The following PPP2R3A variants were observed in gnomAD, a reference collection of about 807,000 sequenced individuals.
The protein encoded by PPP2R3A is serine/threonine-protein phosphatase 2A regulatory subunit B'' subunit alpha.
Under a neutral mutation model 106.9 loss-of-function variants are expected in PPP2R3A, and 80 were observed. The ratio of observed to expected loss-of-function variants is 0.75; its 90% confidence interval spans 0.62 to 0.90. The LOEUF (loss-of-function observed/expected upper bound fraction) is 0.90, where lower values mean the gene tolerates loss of function less well. PPP2R3A is among the 40% of genes least tolerant of loss of function. The probability of loss-of-function intolerance (pLI) is 0.00; values close to 1 mark genes in which losing one functional copy is unlikely to be tolerated. For missense variants in PPP2R3A, 1,386 were observed against 1,350.4 expected (o/e 1.03, Z -0.41); for synonymous variants, 483 against 468.3 (o/e 1.03, Z -0.41).
intron 6 of PPP2R3A, among the ~76,000 whole-genome samples, chr3:136,074,232 T>G (rs547474537): frequency 2.8e-4 from 42 of 152,372 alleles, no homozygotes; most frequent in Non-Finnish European, 3.1e-4. Flanking sequence ...TAGAAAACTT[T>G]TATTTTCTAT....
intron 1 of PPP2R3A, among the ~76,000 whole-genome samples, chr3:135,981,112 G>T (rs895763906): frequency 1.1e-4 from 17 of 151,918 alleles, no homozygotes; most frequent in Middle Eastern, 3.2e-3. Context: ...TTTAAGTTTG[G>T]TGATCATGGT....
chr3:136,132,509 GAAT>G (rs1938465107), intron 13 of PPP2R3A, among the ~76,000 whole-genome samples: 2 of 151,254 alleles, frequency 1.3e-5, no homozygotes, highest in African/African-American at 2.4e-5. Context: ...GAAATAAAAA[GAAT>G]AATTCTATTC....
Position 136,001,563 on chromosome 3 carries a change from G to A in PPP2R3A, c.65G>A (p.Arg22Gln), listed in dbSNP as rs762527447. ...CACTACAGCAGCGTGGTGATAGACC[G>A]GCGTTTTGAACAAGCTATACATTAT... is the stretch of plus-strand genomic sequence containing the variant. ...VNHYSSVVID[R>Q]RFEQAIHYCT... Residue 22 changes from arginine to glutamine, a missense_variant, in exon 2 of 14, where the codon CGG becomes CAG. Coordinates refer to ENST00000264977, the MANE Select transcript of PPP2R3A (RefSeq NM_002718.5). 22 of 1,614,030 alleles carry A rather than the reference G, an allele frequency of 1.4e-5. No homozygotes were observed. The highest frequency in any genetic ancestry group is 5.3e-5 in the African/African-American group (4 of 74,906).
chr3:135,975,262 C>A (rs1937384990), intron 1 of PPP2R3A, among the ~76,000 whole-genome samples: 1 of 151,960 alleles, frequency 6.6e-6, no homozygotes, highest in Non-Finnish European at 1.5e-5. Context: ...TGAGAAATGC[C>A]CCAGGCCTTA....
intron 3 of PPP2R3A, among the ~76,000 whole-genome samples, chr3:136,028,624 A>G (rs2107825668): frequency 6.6e-6 from 1 of 152,332 alleles, no homozygotes; most frequent in South Asian, 2.1e-4. Context: ...CAAATATATT[A>G]CAAGTTCTTT....
At chr3:136,109,425 GACA>G (rs1255507531) in intron 13 of PPP2R3A, among the ~76,000 whole-genome samples, 2 of 152,080 alleles carry the variant, frequency 1.3e-5, no homozygotes, top group African/African-American at 2.4e-5. Flanking sequence ...ATTATTGAAT[GACA>G]ACAACAAAGG....
intron 1 of PPP2R3A, among the ~76,000 whole-genome samples, chr3:135,997,741 C>G (rs1933457522): frequency 6.6e-6 from 1 of 152,198 alleles, no homozygotes; most frequent in Non-Finnish European, 1.5e-5. Flanking sequence ...ATCCAAGATT[C>G]CTCCCTGTCA....
At chr3:136,112,537 A>C (rs1937608559) in intron 13 of PPP2R3A, among the ~76,000 whole-genome samples, 1 of 152,200 alleles carries the variant, frequency 6.6e-6, no homozygotes. Flanking sequence ...TCCCATTTGC[A>C]ATAGCCACAA....
chr3:136,091,126 A>G (rs904771421), intron 10 of PPP2R3A, among the ~76,000 whole-genome samples: 5 of 152,146 alleles, frequency 3.3e-5, no homozygotes, highest in African/African-American at 1.2e-4. Context: ...TGGAGTTATT[A>G]ATTTACACAT....
At chr3:135,984,761 G>A (rs1937583375) in intron 1 of PPP2R3A, among the ~76,000 whole-genome samples, 2 of 152,096 alleles carry the variant, frequency 1.3e-5, no homozygotes, top group African/African-American at 4.8e-5. Flanking sequence ...CCATTTTCAC[G>A]CTGCTGATAA....
intron 5 of PPP2R3A, among the ~76,000 whole-genome samples, chr3:136,058,014 A>G (rs1935934898): frequency 6.6e-6 from 1 of 152,224 alleles, no homozygotes; most frequent in Admixed American, 6.5e-5. Flanking sequence ...TCATTGCAGC[A>G]TTATTCACAA....
At chr3:136,093,757 A>C (rs1937152441) in intron 10 of PPP2R3A, among the ~76,000 whole-genome samples, 1 of 152,252 alleles carries the variant, frequency 6.6e-6, no homozygotes, top group Admixed American at 6.5e-5. Context: ...AGGTGCTGCC[A>C]AGCAGGTGGA....
rs1939097029 is a variant in PPP2R3A, at chr3:136,145,839, C to G, written c.*673C>G. The G allele has an allele frequency of 6.6e-6, 1 of 152,432 alleles. No individual in the cohort carries two copies. The highest frequency in any genetic ancestry group is 1.5e-5 in the Non-Finnish European group (1 of 68,008). The allele number at this position is 152,432 out of a possible 1,614,324, so 9.4% of individuals were successfully genotyped here. On this transcript the variant is annotated 3_prime_UTR_variant, in exon 14 of 14. Coordinates refer to ENST00000264977, the MANE Select transcript of PPP2R3A (RefSeq NM_002718.5). The stretch of plus-strand genomic sequence containing the variant: ...CCTGACTGTGGATCTTATATAAAAT[C>G]TCAAGATAAAAAAACACTTCTTAAA...
chr3:135,997,411 C>T (rs1212273287), intron 1 of PPP2R3A, among the ~76,000 whole-genome samples: 1 of 152,102 alleles, frequency 6.6e-6, no homozygotes, highest in African/African-American at 2.4e-5. Context: ...TAGACTCCCT[C>T]TAAGAATTCT....
intron 12 of PPP2R3A, 123 bp downstream of exon 12, chr3:136,103,499 T>TA (rs1162366563): frequency 2.8e-5 from 19 of 689,892 alleles, no homozygotes; most frequent in Non-Finnish European, 4.1e-5. Flanking sequence ...AACATTTCAT[T>TA]AAAGACTAAA....
At chr3:136,127,752 G>T (rs915768912) in intron 13 of PPP2R3A, among the ~76,000 whole-genome samples, 3 of 152,146 alleles carry the variant, frequency 2.0e-5, no homozygotes, top group Non-Finnish European at 4.4e-5. Flanking sequence ...AGTGCTAAGG[G>T]CAGCCAGAGA....
intron 13 of PPP2R3A, among the ~76,000 whole-genome samples, chr3:136,126,950 C>T (rs1028069071): frequency 6.6e-6 from 1 of 152,116 alleles, no homozygotes; most frequent in African/African-American, 2.4e-5. Context: ...AACTAACAAA[C>T]AGAAAGGAAT....
At chr3:136,099,847 A>G (rs1937312910) in intron 10 of PPP2R3A, among the ~76,000 whole-genome samples, 1 of 151,832 alleles carries the variant, frequency 6.6e-6, no homozygotes, top group African/African-American at 2.4e-5. Flanking sequence ...CACATTTCAG[A>G]TGCTCAAAAG....
intron 13 of PPP2R3A, among the ~76,000 whole-genome samples, chr3:136,134,078 C>T (rs1186469215): frequency 6.6e-6 from 1 of 152,026 alleles, no homozygotes; most frequent in Non-Finnish European, 1.5e-5. Context: ...TAAATGTTTG[C>T]ATTACTACTG....
Sources: gnomAD v4.1 joint callset for allele counts (sites outside exome capture counted in the v4.1 genomes callset) on GRCh38, gnomAD v4.1.1 for gene constraint, MANE v1.5 for transcripts, NCBI Gene and HGNC (gene_info 2026-07-23, HGNC 2026-07-21) for gene names.